Variants in FOXD4 observed in about 807,000 individuals in gnomAD.
FOXD4 encodes the protein forkhead box protein D4.
FOXD4 carries 22 observed loss-of-function variants against 26.5 expected under a neutral mutation model. The ratio of observed to expected loss-of-function variants is 0.83; its 90% confidence interval spans 0.59 to 1.18. FOXD4 has a LOEUF of 1.18. Ranked by LOEUF, FOXD4 falls within the 50% of genes most tolerant of loss-of-function variation. The pLI is 0.00. For synonymous variants in FOXD4, 258 were observed against 273.7 expected, an observed-to-expected ratio of 0.94 and a Z score of 0.57; for missense variants, 625 against 605.8, an observed-to-expected ratio of 1.03 and a Z score of -0.33.
At position 117,822 on chromosome 9, in the gene FOXD4, G is replaced by C. The variant is rs1341518723; in HGVS notation, c.298C>G (p.Arg100Gly). The C allele has an allele frequency of 5.0e-6, 8 of 1,612,728 alleles. No individual in the cohort carries two copies. Among genetic ancestry groups the C allele is most frequent in the Non-Finnish European group, 6.8e-6 (8 of 1,179,970 alleles). The change falls in exon 1 of 1, where the codon CGG becomes GGG. Residue 100 changes from arginine (R) to glycine (G), a missense_variant. Transcript: ENST00000382500. Reference protein sequence around the residue: ...PRSAAASEDARQPAKPPSSYI... With the variant: ...PRSAAASEDAGQPAKPPSSYI... ...GAGGAGGGGGGCTTTGCCGGCTGCC[G>C]GGCATCTTCAGAGGCCGCCGCAGAC... is the stretch of plus-strand genomic sequence containing the variant.
chr9:116,941 C>T lies in FOXD4; in HGVS notation c.1179G>A (p.Ser393=), dbSNP rs2130624076. Residue 393 remains serine (S), a synonymous_variant, in exon 1 of 1, where the codon TCG becomes TCA. Coordinates refer to ENST00000382500, the MANE Select transcript of FOXD4 (RefSeq NM_207305.5). ...AVLGGHLSAA[S]ALLRYQAVAE... is the part of the protein sequence containing the mutation. The stretch of plus-strand genomic sequence containing the variant: ...CCACCGCCTGATACCGCAGCAGCGC[C>T]GACGCGGCCGACAGGTGCCCGCCCA... The T allele has an allele frequency of 6.2e-7, 1 of 1,611,296 alleles. No individual in the cohort carries two copies. The highest frequency in any genetic ancestry group is 2.2e-5 in the East Asian group (1 of 44,878).
Sources: gnomAD v4.1 joint callset for allele counts on GRCh38, gnomAD v4.1.1 for gene constraint, MANE v1.5 for transcripts, NCBI Gene and HGNC (gene_info 2026-07-23, HGNC 2026-07-21) for gene names.